Variants in SCFD2 observed in about 807,000 individuals in gnomAD.
SCFD2 encodes sec1 family domain containing 2, also known as sec1 family domain-containing protein 2.
In SCFD2, 54 loss-of-function variants were observed where a neutral mutation model predicts 58.9. That is an observed-to-expected ratio of 0.92 (90% CI 0.74 to 1.15). The LOEUF is 1.15. Ranked by LOEUF, SCFD2 falls within the 50% of genes most tolerant of loss-of-function variation. The pLI is 0.00. For missense variants in SCFD2, 805 were observed against 836.6 expected, an observed-to-expected ratio of 0.96 and a Z score of 0.47; for synonymous variants, 321 against 335.9, an observed-to-expected ratio of 0.96 and a Z score of 0.49.
intron 5 of SCFD2, among the ~76,000 whole-genome samples, chr4:53,110,747 A>C (rs866177190): frequency 6.6e-6 from 1 of 152,212 alleles, no homozygotes; most frequent in African/African-American, 2.4e-5. Context: ...TGGGAGTGTA[A>C]ATTAGTTGAT....
intron 5 of SCFD2, among the ~76,000 whole-genome samples, chr4:52,959,897 A>AACACACACACACACACACACACAC (rs10529140): frequency 0.027 from 3,689 of 137,954 alleles, 73 homozygotes; most frequent in East Asian, 0.095. Flanking sequence ...TCCAAATTGA[A>AACACACACACACACACACACACAC]ACACACACAC....
intron 5 of SCFD2, among the ~76,000 whole-genome samples, chr4:53,137,549 A>T (rs1725978995): frequency 6.6e-6 from 1 of 152,234 alleles, no homozygotes; most frequent in Non-Finnish European, 1.5e-5. Flanking sequence ...TCAACAGTAA[A>T]ATAAGAGTTT....
intron 4 of SCFD2, among the ~76,000 whole-genome samples, chr4:53,171,194 A>G (rs1462801012): frequency 2.0e-5 from 3 of 152,118 alleles, no homozygotes; most frequent in African/African-American, 7.2e-5. Flanking sequence ...CTTCTACTAG[A>G]CCTAATTTGT....
intron 3 of SCFD2, among the ~76,000 whole-genome samples, chr4:53,287,703 C>G (rs1731713177): frequency 6.6e-6 from 1 of 151,914 alleles, no homozygotes; most frequent in Non-Finnish European, 1.5e-5. Context: ...CATGATGCCA[C>G]CAAAGGAAAA....
At position 53,365,204 on chromosome 4, in the gene SCFD2, G is replaced by A. The variant is rs1734659101; in HGVS notation, c.738C>T (p.Ile246=). 2 of 1,614,016 alleles carry A rather than the reference G, an allele frequency of 1.2e-6. No individual in the cohort carries two copies. The highest frequency in any genetic ancestry group is 3.3e-5 in the Admixed American group (2 of 59,996). Residue 246 remains isoleucine (I), a synonymous_variant, in exon 1 of 9, where the codon ATC becomes ATT. Coordinates refer to ENST00000401642, the MANE Select transcript of SCFD2 (RefSeq NM_152540.4). The surrounding 1 kb of genome is among the most constrained non-coding windows in gnomAD (Gnocchi z 4.3). The part of the protein sequence containing the change: ...CFAVGSLSQV[I]AADLANYAPA... ...GGGCATAATTGGCCAGATCCGCAGC[G>A]ATGACCTGACTTAAGGAACCTACAG...
At chr4:53,063,370 A>C (rs1723569526) in intron 5 of SCFD2, among the ~76,000 whole-genome samples, 1 of 152,140 alleles carries the variant, frequency 6.6e-6, no homozygotes, top group Non-Finnish European at 1.5e-5. Context: ...CAATTCTCCA[A>C]AGCTAATAAA....
chr4:53,079,061 G>A (rs1034187902), intron 5 of SCFD2, among the ~76,000 whole-genome samples: 1 of 152,148 alleles, frequency 6.6e-6, no homozygotes, highest in African/African-American at 2.4e-5. Context: ...GAGGTTGAGA[G>A]GTCCCATGAT....
At chr4:53,078,005 C>T (rs905407710) in intron 5 of SCFD2, among the ~76,000 whole-genome samples, 2 of 152,168 alleles carry the variant, frequency 1.3e-5, no homozygotes, top group African/African-American at 4.8e-5. Context: ...TTTTGGAGCA[C>T]TGTAAGATCA....
intron 5 of SCFD2, among the ~76,000 whole-genome samples, chr4:52,984,995 T>G (rs758825663): frequency 2.0e-5 from 3 of 152,178 alleles, no homozygotes; most frequent in Non-Finnish European, 2.9e-5. Flanking sequence ...CAGTAACACA[T>G]TTTATAGCTT....
At chr4:53,146,223 C>T (rs1037738344) in intron 4 of SCFD2, among the ~76,000 whole-genome samples, 3 of 152,064 alleles carry the variant, frequency 2.0e-5, no homozygotes, top group Admixed American at 1.3e-4. Flanking sequence ...CACAACTTCT[C>T]GAGTGATATT....
rs141648343 is a variant in SCFD2 at position 53,179,967 on chromosome 4, T to A, written c.1312-34385A>T. 1.5e-3 allele frequency among the ~76,000 whole-genome samples: 230 copies of A among 152,290 alleles called. 2 individuals carry two copies. The highest frequency in any genetic ancestry group is 5.2e-3 in the African/African-American group (217 of 41,556). ...AAGAGCTAACCATCCCAAATATATA[T>A]GCACCCAATACAGGAGCATCCAGAT... On this transcript the variant is annotated intron_variant, in intron 4 of 8. Transcript: ENST00000401642.
intron 5 of SCFD2, among the ~76,000 whole-genome samples, chr4:53,085,581 A>G (rs1271891698): frequency 6.6e-6 from 1 of 152,228 alleles, no homozygotes; most frequent in Non-Finnish European, 1.5e-5. Context: ...AGCCAAAGCT[A>G]TTCTGTGCAA....
At chr4:53,254,249 T>C (rs1730513383) in intron 4 of SCFD2, among the ~76,000 whole-genome samples, 1 of 151,840 alleles carries the variant, frequency 6.6e-6, no homozygotes, top group Admixed American at 6.6e-5. Flanking sequence ...CAGGTGGAGG[T>C]AATTGGATCA....
intron 5 of SCFD2, among the ~76,000 whole-genome samples, chr4:53,141,897 C>T (rs1726177724): frequency 6.6e-6 from 1 of 152,152 alleles, no homozygotes; most frequent in Non-Finnish European, 1.5e-5. Flanking sequence ...AGTTCTATCC[C>T]GGCCCCAGCT....
At chr4:53,179,519 A>G (rs1216596519) in intron 4 of SCFD2, among the ~76,000 whole-genome samples, 3 of 152,244 alleles carry the variant, frequency 2.0e-5, no homozygotes, top group African/African-American at 2.4e-5. Flanking sequence ...GATGAAAGGA[A>G]CAACCAGTAC....
chr4:53,055,484 C>CTTT (rs1723311728), intron 5 of SCFD2, among the ~76,000 whole-genome samples: 1 of 152,018 alleles, frequency 6.6e-6, no homozygotes, highest in Admixed American at 6.6e-5. Flanking sequence ...GGAAAGTTGC[C>CTTT]TAAAAACAGG....
At chr4:53,323,852 C>T (rs1371221381) in intron 2 of SCFD2, among the ~76,000 whole-genome samples, 1 of 151,912 alleles carries the variant, frequency 6.6e-6, no homozygotes. Context: ...ACCTGGGAAA[C>T]CACTTTGAAA....
chr4:53,147,439 T>C (rs936263322), intron 4 of SCFD2, among the ~76,000 whole-genome samples: 2 of 152,218 alleles, frequency 1.3e-5, no homozygotes, highest in African/African-American at 4.8e-5. Context: ...AAAAAACAGC[T>C]GTTACCATTT....
chr4:53,135,439 A>C (rs970947565), intron 5 of SCFD2, among the ~76,000 whole-genome samples: 30 of 152,174 alleles, frequency 2.0e-4, no homozygotes, highest in African/African-American at 6.8e-4. Context: ...CCCTGGCAAA[A>C]ATAAGAGGAT....
Sources: allele counts gnomAD v4.1 joint callset (sites outside exome capture counted in the v4.1 genomes callset), GRCh38; gene constraint gnomAD v4.1.1; non-coding constraint Gnocchi (gnomAD v3.1); transcripts MANE v1.5; gene names NCBI Gene and HGNC (gene_info 2026-07-23, HGNC 2026-07-21).